The following NALF1 variants were observed in gnomAD, a reference collection of about 807,000 sequenced individuals.
NALF1 encodes NALCN channel auxiliary factor 1, also known as family with sequence similarity 155 member A.
NALF1 carries 3 observed loss-of-function variants against 48.4 expected under a neutral mutation model. The ratio of observed to expected loss-of-function variants is 0.06; its 90% CI spans 0.03 to 0.16. The LOEUF (loss-of-function observed/expected upper bound fraction) is 0.16, where lower values mean the gene tolerates loss of function less well. Ranked by LOEUF, NALF1 falls within the 10% of genes least tolerant of loss-of-function variation. The pLI, the probability that NALF1 is intolerant of heterozygous loss-of-function variation, is 1.00. For missense variants in NALF1, 526 were observed against 571.5 expected, an observed-to-expected ratio of 0.92 and a Z score of 0.81; for synonymous variants, 262 against 245.7, an observed-to-expected ratio of 1.07 and a Z score of -0.62.
intron 1 of NALF1, among the ~76,000 whole-genome samples, chr13:107,397,350 T>C (rs1883729635): frequency 6.6e-6 from 1 of 152,160 alleles, no homozygotes; most frequent in Non-Finnish European, 1.5e-5. Flanking sequence ...GTTCTGTGTG[T>C]TCCTGATGTT....
rs9559052 is a variant in NALF1, at chr13:107,521,410, C to T, written c.916-310655G>A. The stretch of plus-strand genomic sequence containing the variant: ...TAGAAAACCTATATAGTTTTTCCCC[C>T]GATCTCTACTTAAACTTAGTAACAT... On this transcript the variant is annotated intron_variant, in intron 1 of 2. Transcript: ENST00000375915. 4.4e-3 allele frequency among the ~76,000 whole-genome samples: 672 copies of T among 152,224 alleles called. 7 individuals carry two copies. The highest frequency in any genetic ancestry group is 0.025 in the East Asian group (132 of 5,182).
At chr13:107,286,285 A>G (rs1481732482) in intron 1 of NALF1, among the ~76,000 whole-genome samples, 1 of 152,172 alleles carries the variant, frequency 6.6e-6, no homozygotes, top group Non-Finnish European at 1.5e-5. Flanking sequence ...TGAAACAGAT[A>G]CTCAAACAAA....
intron 1 of NALF1, among the ~76,000 whole-genome samples, chr13:107,543,736 C>T (rs992851578): frequency 1.5e-4 from 22 of 151,662 alleles, no homozygotes; most frequent in African/African-American, 5.3e-4. Flanking sequence ...TGTATATATA[C>T]ACACACATTT....
intron 1 of NALF1, among the ~76,000 whole-genome samples, chr13:107,429,802 G>A (rs1426567813): frequency 6.6e-6 from 1 of 152,156 alleles, no homozygotes; most frequent in Non-Finnish European, 1.5e-5. Context: ...GCAAAGATCT[G>A]AAATTCAATC....
intron 1 of NALF1, among the ~76,000 whole-genome samples, chr13:107,685,088 G>A (rs1024699060): frequency 6.6e-6 from 1 of 152,182 alleles, no homozygotes; most frequent in Non-Finnish European, 1.5e-5. Context: ...GCCAAGGCAG[G>A]CGGATCAGGA....
intron 1 of NALF1, among the ~76,000 whole-genome samples, chr13:107,451,843 A>G (rs1003236967): frequency 1.3e-5 from 2 of 150,474 alleles, no homozygotes; most frequent in African/African-American, 5.0e-5. Context: ...AAGGTCGATA[A>G]TAACGTTACT....
chr13:107,606,239 C>A (rs547507502), intron 1 of NALF1, among the ~76,000 whole-genome samples: 2 of 151,472 alleles, frequency 1.3e-5, no homozygotes, highest in South Asian at 2.1e-4. Context: ...CATGCTCAAT[C>A]TTACCAATGT....
rs1883085038 is a variant in NALF1 at position 107,362,662 on chromosome 13, G to T, written c.916-151907C>A. Among the ~76,000 whole-genome samples, 1 of 151,860 alleles carries T rather than the reference G, an allele frequency of 6.6e-6. No homozygotes were observed. Among genetic ancestry groups the T allele is most frequent in the African/African-American group, 2.4e-5 (1 of 41,160 alleles). Reference sequence around the variant, plus strand: ...AAGGTCACATTAACAGATTCTGGGAGTTAGGACCTCAACATATTTTGCTGG... The same window carrying T: ...AAGGTCACATTAACAGATTCTGGGATTTAGGACCTCAACATATTTTGCTGG... On this transcript the variant is annotated intron_variant, in intron 1 of 2. Transcript: ENST00000375915. This position sits in a 1 kb window ranked among gnomAD's most constrained non-coding sequence, Gnocchi z 4.6.
At chr13:107,380,683 C>T (rs1394590201) in intron 1 of NALF1, among the ~76,000 whole-genome samples, 1 of 152,004 alleles carries the variant, frequency 6.6e-6, no homozygotes, top group Non-Finnish European at 1.5e-5. Flanking sequence ...TTTAAGAATA[C>T]ATACATTTTA....
intron 1 of NALF1, among the ~76,000 whole-genome samples, chr13:107,321,646 T>C (rs759133412): frequency 4.6e-5 from 7 of 152,130 alleles, no homozygotes; most frequent in Non-Finnish European, 1.0e-4. Flanking sequence ...CCAACTTCCA[T>C]GGGTTGTTCC....
intron 1 of NALF1, among the ~76,000 whole-genome samples, chr13:107,705,923 T>C (rs1594217221): frequency 6.6e-6 from 1 of 152,076 alleles, no homozygotes; most frequent in Middle Eastern, 3.4e-3. Context: ...TTCCAGCTAA[T>C]ACATAATGCA....
intron 1 of NALF1, among the ~76,000 whole-genome samples, chr13:107,522,945 G>T (rs534444262): frequency 1.3e-5 from 2 of 151,898 alleles, no homozygotes; most frequent in African/African-American, 4.8e-5. Flanking sequence ...AGGAAGTTCT[G>T]CAAAAATGAC....
At position 107,866,652 on chromosome 13, in the gene NALF1, T is replaced by A; in HGVS notation, c.-56A>T. On this transcript the variant is annotated 5_prime_UTR_variant, in exon 1 of 3. Transcript: ENST00000375915. This position sits in a 1 kb window ranked among gnomAD's most constrained non-coding sequence, Gnocchi z 4.4. The stretch of plus-strand genomic sequence containing the variant: ...CACCGTGAGGGCGCCTGTGCCGGTG[T>A]CACCACAATATGCATTGACTTAAAG... 6.9e-7 allele frequency: 1 copy of A among 1,448,028 alleles called. No individual in the cohort carries two copies. Among genetic ancestry groups the A allele is most frequent in the Non-Finnish European group, 9.4e-7 (1 of 1,064,460 alleles). 89.7% of individuals were successfully genotyped at this position (1,448,028 alleles called of 1,614,324 possible). A position where few individuals can be genotyped will look rare whatever the true frequency, so the allele number is the denominator to read the frequency against.
intron 1 of NALF1, among the ~76,000 whole-genome samples, chr13:107,327,497 C>T (rs1882386388): frequency 6.6e-6 from 1 of 152,200 alleles, no homozygotes; most frequent in African/African-American, 2.4e-5. Flanking sequence ...TATTTTAATA[C>T]ATTCTTTTCT....
chr13:107,234,574 C>T (rs1269848342), intron 1 of NALF1, among the ~76,000 whole-genome samples: 1 of 152,032 alleles, frequency 6.6e-6, no homozygotes. Flanking sequence ...GTTACTGGGT[C>T]ATGTGAAAAA....
intron 1 of NALF1, among the ~76,000 whole-genome samples, chr13:107,411,175 G>A (rs1362106879): frequency 6.6e-6 from 1 of 152,162 alleles, no homozygotes; most frequent in Non-Finnish European, 1.5e-5. Flanking sequence ...CAAATTCGAG[G>A]ACATGTAAGG....
chr13:107,529,771 C>T (rs565693328), intron 1 of NALF1, among the ~76,000 whole-genome samples: 3 of 151,980 alleles, frequency 2.0e-5, no homozygotes, highest in Admixed American at 6.6e-5. Context: ...GAGAGAGGAA[C>T]GGGCATCACC....
chr13:107,845,198 T>C (rs573014055), intron 1 of NALF1, among the ~76,000 whole-genome samples: 2 of 152,340 alleles, frequency 1.3e-5, no homozygotes, highest in East Asian at 3.9e-4. Flanking sequence ...TCTTTTGTCA[T>C]TTTGGCATGA....
At chr13:107,863,726 C>G (rs565278826) in intron 1 of NALF1, among the ~76,000 whole-genome samples, 29 of 152,254 alleles carry the variant, frequency 1.9e-4, no homozygotes, top group Admixed American at 6.5e-4. Flanking sequence ...TTAACTTACA[C>G]TATACTTTAT....
Sources: allele counts gnomAD v4.1 joint callset (sites outside exome capture counted in the v4.1 genomes callset), GRCh38; gene constraint gnomAD v4.1.1; non-coding constraint Gnocchi (gnomAD v3.1); transcripts MANE v1.5; gene names NCBI Gene and HGNC (gene_info 2026-07-23, HGNC 2026-07-21).